MACROH2A2: variants seen among roughly 807,000 people sequenced by gnomAD.
MACROH2A2 encodes the protein core histone macro-H2A.2.
In MACROH2A2, 6 loss-of-function variants were observed where a neutral mutation model predicts 37.6. The observed-to-expected ratio is 0.16, with a 90% CI of 0.09 to 0.32. The LOEUF is 0.32. Ranked by LOEUF, MACROH2A2 falls within the 10% of genes least tolerant of loss-of-function variation. MACROH2A2 has a pLI of 1.00. For missense variants in MACROH2A2, 290 were observed against 485.9 expected, an observed-to-expected ratio of 0.60 and a Z score of 3.79; for synonymous variants, 192 against 202.7, an observed-to-expected ratio of 0.95 and a Z score of 0.45.
intron 7 of MACROH2A2, among the ~76,000 whole-genome samples, chr10:70,103,911 A>G (rs1042815409): frequency 1.3e-5 from 2 of 152,246 alleles, no homozygotes; most frequent in African/African-American, 4.8e-5. Context: ...AAAGATGTAC[A>G]ATTTCAGACG....
intron 1 of MACROH2A2, among the ~76,000 whole-genome samples, chr10:70,057,982 C>T (rs764560824): frequency 3.3e-5 from 5 of 152,164 alleles, no homozygotes; most frequent in Admixed American, 6.5e-5. Context: ...CCCCAAAGCC[C>T]TACATCCTTA....
chr10:70,104,030 AT>A (rs1018668456), intron 7 of MACROH2A2, among the ~76,000 whole-genome samples: 4 of 152,200 alleles, frequency 2.6e-5, no homozygotes, highest in African/African-American at 9.6e-5. Context: ...ACAGGACACA[AT>A]TTTGAGCTAA....
At position 70,075,582 on chromosome 10, in the gene MACROH2A2, G is replaced by A; in HGVS notation, c.-59-18G>A. On this transcript the variant is annotated intron_variant, in intron 1 of 8. Transcript: ENST00000373255. The surrounding 1 kb of genome is among the most constrained non-coding windows in gnomAD (Gnocchi z 5.0). ...TTGCCAACTACCCTTCCTCAACTCT[G>A]TCTTCTTTCCTTTTTAGCATTGTGT... is the stretch of plus-strand genomic sequence containing the variant. 7.0e-7 allele frequency: 1 copy of A among 1,429,216 alleles called. No individual in the cohort carries two copies. The highest frequency in any genetic ancestry group is 9.8e-7 in the Non-Finnish European group (1 of 1,022,660). The allele number at this position is 1,429,216 out of a possible 1,614,324, so 88.5% of individuals were successfully genotyped here.
chr10:70,088,378 A>G (rs981246791), intron 2 of MACROH2A2, among the ~76,000 whole-genome samples: 1 of 152,220 alleles, frequency 6.6e-6, no homozygotes, highest in African/African-American at 2.4e-5. Context: ...TTTTTCTTTA[A>G]AGGCTCATTC....
chr10:70,092,541 G>A (rs1209981327), intron 4 of MACROH2A2, among the ~76,000 whole-genome samples: 1 of 152,224 alleles, frequency 6.6e-6, no homozygotes, highest in African/African-American at 2.4e-5. Flanking sequence ...CACAGAACAG[G>A]AGGGAAGTTT....
At chr10:70,064,185 A>T (rs956380501) in intron 1 of MACROH2A2, among the ~76,000 whole-genome samples, 29 of 152,190 alleles carry the variant, frequency 1.9e-4, no homozygotes, top group African/African-American at 7.0e-4. Flanking sequence ...CCTGTCTAAC[A>T]TGGTGAAACC....
intron 2 of MACROH2A2, among the ~76,000 whole-genome samples, chr10:70,080,933 A>G (rs2072172896): frequency 1.4e-5 from 2 of 145,104 alleles, no homozygotes; most frequent in Non-Finnish European, 3.0e-5. Context: ...GTGTGGTGGC[A>G]TGTTCTGAAT....
intron 3 of MACROH2A2, 65 bp from the exon 4 acceptor site, chr10:70,091,690 AAG>A (rs55926132): frequency 7.0e-5 from 77 of 1,106,752 alleles, no homozygotes; most frequent in South Asian, 2.0e-4. Flanking sequence ...AAAAAAAAAA[AAG>A]AACTGTATGA....
chr10:70,088,165 G>A (rs1323635526), intron 2 of MACROH2A2, among the ~76,000 whole-genome samples: 7 of 142,634 alleles, frequency 4.9e-5, no homozygotes, highest in East Asian at 2.0e-4. Context: ...GTACATTCAC[G>A]CACACACACG....
At chr10:70,064,437 C>T (rs556753745) in intron 1 of MACROH2A2, among the ~76,000 whole-genome samples, 1 of 152,180 alleles carries the variant, frequency 6.6e-6, no homozygotes, top group Admixed American at 6.5e-5. Flanking sequence ...ACAAAATAAA[C>T]CTCCCTGCTC....
At chr10:70,057,355 G>T (rs1347223421) in intron 1 of MACROH2A2, among the ~76,000 whole-genome samples, 1 of 151,834 alleles carries the variant, frequency 6.6e-6, no homozygotes, top group Non-Finnish European at 1.5e-5. Flanking sequence ...ATTTGGGTGG[G>T]GGTGGGGAGT....
chr10:70,082,556 A>G (rs2072186059), intron 2 of MACROH2A2, among the ~76,000 whole-genome samples: 1 of 152,260 alleles, frequency 6.6e-6, no homozygotes, highest in South Asian at 2.1e-4. Context: ...CAACAGACGA[A>G]TGGATAAGCA....
At chr10:70,089,510 C>A (rs761196743) in intron 2 of MACROH2A2, among the ~76,000 whole-genome samples, 1 of 152,174 alleles carries the variant, frequency 6.6e-6, no homozygotes, top group Admixed American at 6.5e-5. Context: ...CCAGAAAACA[C>A]AATGGCTTGC....
intron 1 of MACROH2A2, among the ~76,000 whole-genome samples, chr10:70,069,448 A>G (rs1300824347): frequency 6.6e-6 from 1 of 152,164 alleles, no homozygotes; most frequent in Non-Finnish European, 1.5e-5. Context: ...CTGCTATGAA[A>G]GGACAGGTAC....
intron 1 of MACROH2A2, among the ~76,000 whole-genome samples, chr10:70,054,732 T>G (rs1024298967): frequency 2.0e-5 from 3 of 152,214 alleles, no homozygotes; most frequent in African/African-American, 7.2e-5. Context: ...TACTGGTGAT[T>G]TTTAGAATTG....
In MACROH2A2 at chr10:70,067,097, T is replaced by G. The variant is rs377426028; in HGVS notation, c.-59-8503T>G. Among the ~76,000 whole-genome samples the G allele has an allele frequency of 9.2e-5, 14 of 152,300 alleles. 1 individual carries two copies. In the East Asian group the frequency reaches 2.1e-3, roughly 23 times the overall value. On this transcript the variant is annotated intron_variant, in intron 1 of 8. Coordinates refer to ENST00000373255, the MANE Select transcript of MACROH2A2 (RefSeq NM_018649.3). ...AATGTTAATGAGTCAACAATATCTA[T>G]TAAACAAGGTGTCTTTGAACACAAA...
At chr10:70,091,447 A>G (rs930051225) in intron 3 of MACROH2A2, among the ~76,000 whole-genome samples, 7 of 152,272 alleles carry the variant, frequency 4.6e-5, no homozygotes, top group African/African-American at 1.4e-4. Flanking sequence ...AGGCCAAGGC[A>G]GGTGGATCAC....
intron 1 of MACROH2A2, among the ~76,000 whole-genome samples, chr10:70,066,369 C>T (rs552083556): frequency 4.6e-5 from 7 of 152,254 alleles, no homozygotes; most frequent in African/African-American, 1.7e-4. Flanking sequence ...TGTCCTGTTT[C>T]TGAAGAGTTA....
At chr10:70,084,671 G>T (rs1407247569) in intron 2 of MACROH2A2, among the ~76,000 whole-genome samples, 1 of 151,858 alleles carries the variant, frequency 6.6e-6, no homozygotes, top group East Asian at 1.9e-4. Context: ...GTGTGATCAC[G>T]GCTCACTACA....
Sources: allele counts gnomAD v4.1 joint callset (sites outside exome capture counted in the v4.1 genomes callset), GRCh38; gene constraint gnomAD v4.1.1; non-coding constraint Gnocchi (gnomAD v3.1); transcripts MANE v1.5; gene names NCBI Gene and HGNC (gene_info 2026-07-23, HGNC 2026-07-21).